Variants in PHKG2 observed in about 807,000 individuals in gnomAD.
PHKG2 encodes phosphorylase kinase catalytic subunit gamma 2, also known as phosphorylase b kinase gamma catalytic chain, liver/testis isoform.
In PHKG2, 28 loss-of-function variants were observed where a neutral mutation model predicts 44.5. The ratio of observed to expected loss-of-function variants is 0.63; its 90% CI spans 0.47 to 0.86. PHKG2 has a LOEUF of 0.86. PHKG2 is among the 40% of genes least tolerant of loss of function. The pLI, the probability that PHKG2 is intolerant of heterozygous loss-of-function variation, is 0.00. For missense variants in PHKG2, 498 were observed against 547.5 expected, an observed-to-expected ratio of 0.91 and a Z score of 0.90; for synonymous variants, 220 against 211.2, an observed-to-expected ratio of 1.04 and a Z score of -0.36.
Position 30,759,469 on chromosome 16 carries a change from G to A in PHKG2, c.*2372G>A. 1 of 1,614,164 alleles carries A rather than the reference G, an allele frequency of 6.2e-7. No homozygotes were observed. Among genetic ancestry groups the A allele is most frequent in the Non-Finnish European group, 8.5e-7 (1 of 1,180,038 alleles). ...GCTGAAAGGAGGCCGCTGTGGTGGT[G>A]ACTCGGAATTAGAACCCTGACTACC... On this transcript the variant is annotated 3_prime_UTR_variant, in exon 10 of 10. Coordinates refer to ENST00000563588, the MANE Select transcript of PHKG2 (RefSeq NM_000294.3).
rs968973299 is a variant in PHKG2 at position 30,759,981 on chromosome 16, C to G, written c.*2884C>G. The G allele has an allele frequency of 6.9e-7, 1 of 1,455,788 alleles. No individual in the cohort carries two copies. Among genetic ancestry groups the G allele is most frequent in the African/African-American group, 1.4e-5 (1 of 70,380 alleles). The allele number at this position is 1,455,788 out of a possible 1,614,324, so 90.2% of individuals were successfully genotyped here. On this transcript the variant is annotated 3_prime_UTR_variant, in exon 10 of 10. Transcript: ENST00000563588. ...TAGGGGAATAAACCAAGAAATAGAT[C>G]ATTTCAGCTATTAAACATTCTGAAG...
chr16:30,758,895 C>T lies in PHKG2; in HGVS notation c.*1798C>T. The T allele has an allele frequency of 6.7e-7, 1 of 1,498,666 alleles. No individual in the cohort carries two copies. Among genetic ancestry groups the T allele is most frequent in the Non-Finnish European group, 8.9e-7 (1 of 1,123,452 alleles). 92.8% of individuals were successfully genotyped at this position (1,498,666 alleles called of 1,614,324 possible). On this transcript the variant is annotated 3_prime_UTR_variant, in exon 10 of 10. Coordinates refer to ENST00000563588, the MANE Select transcript of PHKG2 (RefSeq NM_000294.3). ...CATCTTGGACTTCTGCATAAGGGAT[C>T]ATTTAGAGAAAGGACTCTGACTAAA...
intron 1 of PHKG2, 149 bp from the exon 2 acceptor site, chr16:30,748,654 C>T (rs1358918043): frequency 1.3e-5 from 7 of 547,238 alleles, no homozygotes; most frequent in Non-Finnish European, 2.3e-5. Context: ...TCTGCGGGGT[C>T]TCCCCAGTCC....
At position 30,759,731 on chromosome 16, in the gene PHKG2, GGGAAAGCAA is replaced by G; in HGVS notation, c.*2636_*2644del. On this transcript the variant is annotated 3_prime_UTR_variant, in exon 10 of 10. Coordinates refer to ENST00000563588, the MANE Select transcript of PHKG2 (RefSeq NM_000294.3). ...ACGTTGCCCAAGGGGGTTGCTGGTA[GGGAAAGCAA>G]GATGCAGCAGTGAGGCCCTCTCTGG... is the stretch of plus-strand genomic sequence containing the variant. 6.2e-7 allele frequency: 1 copy of G among 1,603,606 alleles called. No individual in the cohort carries two copies. The highest frequency in any genetic ancestry group is 8.5e-7 in the Non-Finnish European group (1 of 1,174,278).
chr16:30,751,418 G>A (rs1298222554), intron 3 of PHKG2, 131 bp from the exon 4 acceptor site: 21 of 1,270,742 alleles, frequency 1.7e-5, no homozygotes, highest in African/African-American at 5.9e-5. Context: ...TCCGTTGGGC[G>A]CCCACTGCCT....
rs2053646911 is a variant in PHKG2, at chr16:30,760,079, A to T, written c.*2982A>T. 6.5e-7 allele frequency: 1 copy of T among 1,535,876 alleles called. No individual in the cohort carries two copies. The highest frequency in any genetic ancestry group is 2.0e-5 in the Admixed American group (1 of 50,906). ...TATATTTGCATATATTATTTCTCAG[A>T]ACAGTCCTGTAAAATGTGTGCTGTA... On this transcript the variant is annotated 3_prime_UTR_variant, in exon 10 of 10. Coordinates refer to ENST00000563588, the MANE Select transcript of PHKG2 (RefSeq NM_000294.3).
chr16:30,759,097 T>C lies in PHKG2; in HGVS notation c.*2000T>C. On this transcript the variant is annotated 3_prime_UTR_variant, in exon 10 of 10. Coordinates refer to ENST00000563588, the MANE Select transcript of PHKG2 (RefSeq NM_000294.3). The stretch of plus-strand genomic sequence containing the variant: ...GCTCCTCCATCTCCTTGCTTTCTTC[T>C]TTCTCTGCAAACCAGAAGCAGGAAG... The C allele has an allele frequency of 6.2e-7, 1 of 1,614,218 alleles. No individual in the cohort carries two copies. Among genetic ancestry groups the C allele is most frequent in the South Asian group, 1.1e-5 (1 of 91,086 alleles).
rs990213448 is a variant in PHKG2 at position 30,757,911 on chromosome 16, T to A, written c.*814T>A. 1 of 944,126 alleles carries A rather than the reference T, an allele frequency of 1.1e-6. No individual in the cohort carries two copies. The highest frequency in any genetic ancestry group is 3.5e-5 in the East Asian group (1 of 28,310). 58.5% of individuals were successfully genotyped at this position (944,126 alleles called of 1,614,324 possible). The stretch of plus-strand genomic sequence containing the variant: ...GACCTTAGGCAGGTTATTTAACCTA[T>A]CTGTGCCTCAGTTTCCTTGTATGAA... On this transcript the variant is annotated 3_prime_UTR_variant, in exon 10 of 10. Coordinates refer to ENST00000563588, the MANE Select transcript of PHKG2 (RefSeq NM_000294.3).
At chr16:30,753,814 G>T (rs1406073781) in intron 6 of PHKG2, among the ~76,000 whole-genome samples, 1 of 152,168 alleles carries the variant, frequency 6.6e-6, no homozygotes, top group African/African-American at 2.4e-5. Flanking sequence ...GGAACCCGGA[G>T]GAAGGAACGC....
chr16:30,760,506 C>T lies in PHKG2; in HGVS notation c.*3409C>T. 1 of 1,611,800 alleles carries T rather than the reference C, an allele frequency of 6.2e-7. No individual in the cohort carries two copies. Among genetic ancestry groups the T allele is most frequent in the South Asian group, 1.1e-5 (1 of 90,912 alleles). On this transcript the variant is annotated 3_prime_UTR_variant, in exon 10 of 10. Coordinates refer to ENST00000563588, the MANE Select transcript of PHKG2 (RefSeq NM_000294.3). ...AACTGGGCCTCCTTTCATCACCCTA[C>T]ACCCACCACATGCTTTGGAGTCAGC...
Position 30,749,160 on chromosome 16 carries a change from G to GTGGTGGTGGTGC in PHKG2, c.95+281_95+292dup, listed in dbSNP as rs2053306596. 5.6e-5 allele frequency among the ~76,000 whole-genome samples: 6 copies of GTGGTGGTGGTGC among 106,778 alleles called. 2 individuals are homozygous for GTGGTGGTGGTGC. Among genetic ancestry groups the GTGGTGGTGGTGC allele is most frequent in the African/African-American group, 1.9e-4 (6 of 32,196 alleles). The allele number at this position is 106,778 out of a possible 152,430, so 70.1% of individuals were successfully genotyped here. A position where few individuals can be genotyped will look rare whatever the true frequency, so the allele number is the denominator to read the frequency against. Reference sequence around the variant, plus strand: ...GGTGCTGGTGCTGGTGGTGGTGCTGGTGGTGGTGGTGCTGGTGGTGGTGCT... The same window carrying GTGGTGGTGGTGC: ...GGTGCTGGTGCTGGTGGTGGTGCTGGTGGTGGTGGTGCTGGTGGTGGTGCTGGTGGTGGTGCT... On this transcript the variant is annotated intron_variant, in intron 2 of 9. Transcript: ENST00000563588.
rs2053565668 is a variant in PHKG2 at position 30,759,144 on chromosome 16, C to G, written c.*2047C>G. 3.7e-6 allele frequency: 6 copies of G among 1,614,156 alleles called. No individual in the cohort carries two copies. The highest frequency in any genetic ancestry group is 5.1e-6 in the Non-Finnish European group (6 of 1,180,030). The stretch of plus-strand genomic sequence containing the variant: ...GAAGAGACTGTGGCCCCAGGCCTGG[C>G]CCAGCCCAGCCCTGCCCTGGCACTC... On this transcript the variant is annotated 3_prime_UTR_variant, in exon 10 of 10. Transcript: ENST00000563588.
chr16:30,751,448 C>T, intron 3 of PHKG2, 101 bp from the exon 4 acceptor site: 3 of 1,299,814 alleles, frequency 2.3e-6, no homozygotes, highest in Non-Finnish European at 3.4e-6. Flanking sequence ...CTCCTTTCTT[C>T]CCAGTAACAG....
At position 30,757,728 on chromosome 16, in the gene PHKG2, G is replaced by A; in HGVS notation, c.*631G>A. 1.3e-6 allele frequency: 2 copies of A among 1,510,892 alleles called. No homozygotes were observed. Among genetic ancestry groups the A allele is most frequent in the Admixed American group, 4.5e-5 (2 of 44,756 alleles). The allele number at this position is 1,510,892 out of a possible 1,614,324, so 93.6% of individuals were successfully genotyped here. A position where few individuals can be genotyped will look rare whatever the true frequency, so the allele number is the denominator to read the frequency against. On this transcript the variant is annotated 3_prime_UTR_variant, in exon 10 of 10. Coordinates refer to ENST00000563588, the MANE Select transcript of PHKG2 (RefSeq NM_000294.3). ...CAATGGGGGGATGGTCCCTAGTTGG[G>A]CAAACAGTCCCCAAATTTCCCCTGG... is the stretch of plus-strand genomic sequence containing the variant.
At chr16:30,756,765 T>C (rs1261309187) in intron 9 of PHKG2, 39 bp from the exon 10 acceptor site, 2 of 1,613,994 alleles carry the variant, frequency 1.2e-6, no homozygotes, top group Non-Finnish European at 1.7e-6. Flanking sequence ...TCCCATGATC[T>C]TTCCCCTGCA....
At chr16:30,754,200 C>CT (rs1313772620) in intron 6 of PHKG2, among the ~76,000 whole-genome samples, 1 of 147,890 alleles carries the variant, frequency 6.8e-6, no homozygotes, top group African/African-American at 2.5e-5. Flanking sequence ...GAGTCTCACT[C>CT]TGTCACCCAG....
intron 6 of PHKG2, among the ~76,000 whole-genome samples, 194 bp downstream of exon 6, chr16:30,753,751 A>G (rs2053382144): frequency 6.6e-6 from 1 of 152,208 alleles, no homozygotes; most frequent in Non-Finnish European, 1.5e-5. Flanking sequence ...GGATGGAGAC[A>G]GACAAGCAGG....
Position 30,751,716 on chromosome 16 carries a change from T to C in PHKG2, c.326+113T>C, listed in dbSNP as rs1596681111. ...CCTGCTCACACCTTCCTGTTCCAGC[T>C]GGGGCTCTCTATCACCTGGGCCTGC... On this transcript the variant is annotated intron_variant, in intron 4 of 9. Transcript: ENST00000563588. 1.2e-5 allele frequency: 11 copies of C among 926,706 alleles called. No homozygotes were observed. The East Asian group carries it at 2.6e-4, about 22-fold the overall frequency. The allele number at this position is 926,706 out of a possible 1,614,324, so 57.4% of individuals were successfully genotyped here. A position where few individuals can be genotyped will look rare whatever the true frequency, so the allele number is the denominator to read the frequency against.
chr16:30,756,273 G>C lies in PHKG2; in HGVS notation c.647+1G>C. The C allele has an allele frequency of 6.2e-7, 1 of 1,614,076 alleles. No homozygotes were observed. The highest frequency in any genetic ancestry group is 8.5e-7 in the Non-Finnish European group (1 of 1,179,908). On this transcript the variant is annotated splice_donor_variant, in intron 7 of 9. Coordinates refer to ENST00000563588, the MANE Select transcript of PHKG2 (RefSeq NM_000294.3). LOFTEE classifies it high-confidence loss of function. ...CAGGCTATGGCAAGGAGGTCGACCT[G>C]TGAGTTCCTGGTCTCCCCCTCCCTC... is the stretch of plus-strand genomic sequence containing the variant.
Sources: allele counts gnomAD v4.1 joint callset (sites outside exome capture counted in the v4.1 genomes callset), GRCh38; gene constraint gnomAD v4.1.1; transcripts MANE v1.5; gene names NCBI Gene and HGNC (gene_info 2026-07-23, HGNC 2026-07-21).